ZNF135: variants seen among roughly 807,000 people sequenced by gnomAD.
The protein encoded by ZNF135 is zinc finger protein 135 (clone pHZ-17).
A neutral mutation model predicts 12.3 loss-of-function variants in ZNF135; 11 were observed. The observed-to-expected ratio is 0.89, with a 90% CI of 0.56 to 1.48. The LOEUF (loss-of-function observed/expected upper bound fraction) is 1.48, where lower values mean the gene tolerates loss of function less well. Ranked by LOEUF, ZNF135 falls within the 40% of genes most tolerant of loss-of-function variation. ZNF135 has a pLI of 0.00. For synonymous variants in ZNF135, 316 were observed against 312.0 expected (o/e 1.01, Z -0.14); for missense variants, 722 against 815.7 (o/e 0.89, Z 1.40).
chr19:58,068,588 C>T lies in ZNF135; in HGVS notation c.*127C>T, dbSNP rs1191516103. The T allele has an allele frequency of 9.9e-7, 1 of 1,007,010 alleles. No individual in the cohort carries two copies. The highest frequency in any genetic ancestry group is 1.6e-5 in the African/African-American group (1 of 61,508). The allele number at this position is 1,007,010 out of a possible 1,614,324, so 62.4% of individuals were successfully genotyped here. A position where few individuals can be genotyped will look rare whatever the true frequency, so the allele number is the denominator to read the frequency against. ...ACAAGCCTTTTCACACAGCACTCCC[C>T]TCAGACACCCTCAGAGAGTTCACAC... On this transcript the variant is annotated 3_prime_UTR_variant, in exon 5 of 5. Coordinates refer to ENST00000313434, the MANE Select transcript of ZNF135 (RefSeq NM_001289401.2).
In ZNF135 at chr19:58,059,964, C is replaced by T; in HGVS notation, c.-34-5C>T. ...CCCCAGCTGCTCACCTCCCCTTTCC[C>T]ACAGAGCAGGGCCAGCCGTTCCTGC... On this transcript the variant is annotated splice_polypyrimidine_tract_variant and splice_region_variant and intron_variant, in intron 1 of 4. Transcript: ENST00000313434. This position sits in a 1 kb window ranked among gnomAD's most constrained non-coding sequence, Gnocchi z 6.5. 6.2e-7 allele frequency: 1 copy of T among 1,612,738 alleles called. No homozygotes were observed. Among genetic ancestry groups the T allele is most frequent in the Non-Finnish European group, 8.5e-7 (1 of 1,179,726 alleles).
At position 58,060,019 on chromosome 19, in the gene ZNF135, G is replaced by A. The variant is rs765406153; in HGVS notation, c.17G>A (p.Arg6His). 7 of 1,613,514 alleles carry A rather than the reference G, an allele frequency of 4.3e-6. No homozygotes were observed. The highest frequency in any genetic ancestry group is 5.9e-6 in the Non-Finnish European group (7 of 1,179,868). The change falls in exon 2 of 5, where the codon CGC becomes CAC. Residue 6 changes from arginine (R) to histidine (H), a missense_variant. Transcript: ENST00000313434. The surrounding 1 kb of genome is among the most constrained non-coding windows in gnomAD (Gnocchi z 4.9). MTPGV[R>H]VSTDPEQVTF... is the part of the protein sequence containing the mutation. ...AGCCAGGGCATGACCCCTGGGGTGC[G>A]CGTCTCCACAGACCCGGTGAGAATC...
At position 58,060,447 on chromosome 19, in the gene ZNF135, C is replaced by G. The variant is rs1033042012; in HGVS notation, c.33+412C>G. On this transcript the variant is annotated intron_variant, in intron 2 of 4. Transcript: ENST00000313434. This position sits in a 1 kb window ranked among gnomAD's most constrained non-coding sequence, Gnocchi z 4.9. ...TGAGTGGGCTTTATGTTTGTGCGGC[C>G]GTCATTGCATACCTGAGGCTGGGTG... 9.0e-7 allele frequency: 1 copy of G among 1,107,450 alleles called. No individual in the cohort carries two copies. 68.6% of individuals were successfully genotyped at this position (1,107,450 alleles called of 1,614,324 possible).
At position 58,067,325 on chromosome 19, in the gene ZNF135, C is replaced by A. The variant is rs1214383366; in HGVS notation, c.841C>A (p.Gln281Lys). The A allele has an allele frequency of 3.1e-6, 5 of 1,614,162 alleles. No individual in the cohort carries two copies. Among genetic ancestry groups the A allele is most frequent in the Admixed American group, 3.3e-5 (2 of 60,026 alleles). ...CACTCAGTGTGGGAGGACCTTCAAC[C>A]AAATTGCCCCACTGATCCAGCACCA... Reference protein sequence around the residue: ...KCTQCGRTFNQIAPLIQHQRT... With the variant: ...KCTQCGRTFNKIAPLIQHQRT... Residue 281 changes from glutamine to lysine, a missense_variant, in exon 5 of 5, where the codon CAA becomes AAA. By Grantham distance (53) the Gln-to-Lys change is moderately conservative. Coordinates refer to ENST00000313434, the MANE Select transcript of ZNF135 (RefSeq NM_001289401.2).
chr19:58,065,579 A>T lies in ZNF135; in HGVS notation c.257-1162A>T, dbSNP rs1204349631. Among the ~76,000 whole-genome samples the T allele has an allele frequency of 6.6e-6, 1 of 152,202 alleles. No individual in the cohort carries two copies. The highest frequency in any genetic ancestry group is 1.5e-5 in the Non-Finnish European group (1 of 68,046). On this transcript the variant is annotated intron_variant, in intron 4 of 4. Transcript: ENST00000313434. This position sits in a 1 kb window ranked among gnomAD's most constrained non-coding sequence, Gnocchi z 4.0. Reference sequence around the variant, plus strand: ...GCCTTGTCCATCTTCACAGTCAGCAAGGCCTGGTCAAGTCACATCATATTC... The same window carrying T: ...GCCTTGTCCATCTTCACAGTCAGCATGGCCTGGTCAAGTCACATCATATTC...
Position 58,068,395 on chromosome 19 carries a change from G to A in ZNF135, c.1911G>A (p.Arg637=). Residue 637 remains arginine (R), a synonymous_variant, in exon 5 of 5, where the codon AGG becomes AGA. Coordinates refer to ENST00000313434, the MANE Select transcript of ZNF135 (RefSeq NM_001289401.2). The part of the protein sequence containing the change: ...IHTGEKPYAC[R]DCGKAFTHSS... ...CAGGAGAGAAGCCATATGCATGCAG[G>A]GACTGTGGAAAGGCCTTTACCCACA... The A allele has an allele frequency of 6.2e-7, 1 of 1,614,104 alleles. No individual in the cohort carries two copies. Among genetic ancestry groups the A allele is most frequent in the Non-Finnish European group, 8.5e-7 (1 of 1,180,022 alleles).
rs1393826862 is a variant in ZNF135, at chr19:58,063,221, G to A, written c.161-225G>A. Among the ~76,000 whole-genome samples, 3 of 152,184 alleles carry A rather than the reference G, an allele frequency of 2.0e-5. No homozygotes were observed. The highest frequency in any genetic ancestry group is 3.9e-4 in the East Asian group (2 of 5,194). On this transcript the variant is annotated intron_variant, in intron 3 of 4. Transcript: ENST00000313434. This position sits in a 1 kb window ranked among gnomAD's most constrained non-coding sequence, Gnocchi z 4.4. ...CAGGGGAGGAACCAGAGTTCTGATT[G>A]TCCAGGCTTGGGTCACATGTCCACC...
In ZNF135 at chr19:58,067,889, A is replaced by G; in HGVS notation, c.1405A>G (p.Ser469Gly). The part of the protein sequence containing the change: ...THTGEKPYEC[S>G]QCGKAFRQST... ...CACAGGAGAGAAGCCCTATGAGTGC[A>G]GTCAGTGTGGGAAGGCCTTCCGGCA... Residue 469 changes from serine to glycine, a missense_variant, in exon 5 of 5, where the codon AGT becomes GGT. Transcript: ENST00000313434. The G allele has an allele frequency of 6.2e-7, 1 of 1,607,992 alleles. No homozygotes were observed. Among genetic ancestry groups the G allele is most frequent in the Non-Finnish European group, 8.5e-7 (1 of 1,178,218 alleles).
In ZNF135 at chr19:58,067,505, C is replaced by T; in HGVS notation, c.1021C>T (p.Leu341Phe). ...CGKAFRQSIHLTQHLRIHTGE... is the reference protein window; with the variant it reads ...CGKAFRQSIHFTQHLRIHTGE... ...GAAAGCCTTCCGGCAAAGCATCCACCTCACCCAGCATCTGCGAATCCACAC... is the reference window on the plus strand; with the variant it reads ...GAAAGCCTTCCGGCAAAGCATCCACTTCACCCAGCATCTGCGAATCCACAC... Residue 341 changes from leucine to phenylalanine, a missense_variant, in exon 5 of 5, where the codon CTC becomes TTC. Leu to Phe is a conservative substitution (Grantham distance 22). Transcript: ENST00000313434. The T allele has an allele frequency of 6.2e-7, 1 of 1,614,050 alleles. No individual in the cohort carries two copies. The highest frequency in any genetic ancestry group is 8.5e-7 in the Non-Finnish European group (1 of 1,180,014).
Position 58,059,391 on chromosome 19 carries a change from C to T in ZNF135, c.-35+81C>T. ...GGGTGCGGGGGGTCCGGGGATCTTC[C>T]TGAGGCCCTGGCGGGGCGAGTTTCC... On this transcript the variant is annotated intron_variant, in intron 1 of 4. Coordinates refer to ENST00000313434, the MANE Select transcript of ZNF135 (RefSeq NM_001289401.2). This position sits in a 1 kb window ranked among gnomAD's most constrained non-coding sequence, Gnocchi z 6.5. 1.2e-6 allele frequency: 1 copy of T among 863,616 alleles called. No individual in the cohort carries two copies. The highest frequency in any genetic ancestry group is 1.6e-6 in the Non-Finnish European group (1 of 606,784). The allele number at this position is 863,616 out of a possible 1,614,324, so 53.5% of individuals were successfully genotyped here.
In ZNF135 at chr19:58,068,533, A is replaced by G. The variant is rs568741296; in HGVS notation, c.*72A>G. ...CTCATCCCTTTCTAGATTTGACCCAATCATACACATGAGAAACGTACATTC... is the reference window on the plus strand; with the variant it reads ...CTCATCCCTTTCTAGATTTGACCCAGTCATACACATGAGAAACGTACATTC... On this transcript the variant is annotated 3_prime_UTR_variant, in exon 5 of 5. Coordinates refer to ENST00000313434, the MANE Select transcript of ZNF135 (RefSeq NM_001289401.2). The G allele has an allele frequency of 3.5e-5, 53 of 1,528,038 alleles. No individual in the cohort carries two copies. Among genetic ancestry groups the G allele is most frequent in the Admixed American group, 2.9e-4 (15 of 52,556 alleles). The allele number at this position is 1,528,038 out of a possible 1,614,324, so 94.7% of individuals were successfully genotyped here. A position where few individuals can be genotyped will look rare whatever the true frequency, so the allele number is the denominator to read the frequency against.
Position 58,067,037 on chromosome 19 carries a change from C to T in ZNF135, c.553C>T (p.Gln185Ter). 6.2e-7 allele frequency: 1 copy of T among 1,614,212 alleles called. No homozygotes were observed. Among genetic ancestry groups the T allele is most frequent in the Non-Finnish European group, 8.5e-7 (1 of 1,180,040 alleles). Residue 185 changes from glutamine to a stop codon, truncating the protein, a stop_gained, in exon 5 of 5, where the codon CAA (glutamine) becomes TAA (stop). Coordinates refer to ENST00000313434, the MANE Select transcript of ZNF135 (RefSeq NM_001289401.2). LOFTEE classifies it low-confidence loss of function (END_TRUNC). ...LPHQPMTPER[Q>*]SPHTWGTRGK... ...ACATCAACCAATGACTCCTGAAAGA[C>T]AAAGCCCCCACACATGGGGAACACG...
At position 58,067,387 on chromosome 19, in the gene ZNF135, C is replaced by T. The variant is rs752558340; in HGVS notation, c.903C>T (p.Ser301=). 69 of 1,613,690 alleles carry T rather than the reference C, an allele frequency of 4.3e-5. 1 individual carries two copies. The Middle Eastern group carries it at 6.6e-4, about 15-fold the overall frequency. The change falls in exon 5 of 5, where the codon AGC becomes AGT. Residue 301 remains serine (S), a synonymous_variant. Coordinates refer to ENST00000313434, the MANE Select transcript of ZNF135 (RefSeq NM_001289401.2). The stretch of plus-strand genomic sequence containing the variant: ...CAGGTGAGAAGCCCTATGAATGCAG[C>T]GAATGTGGGAAATCCTTCAGTTTTA... ...THTGEKPYEC[S]ECGKSFSFRS... is the part of the protein sequence containing the mutation.
At chr19:58,062,075 G>C (rs1385065266) in intron 3 of ZNF135, among the ~76,000 whole-genome samples, 1 of 152,114 alleles carries the variant, frequency 6.6e-6, no homozygotes, top group Non-Finnish European at 1.5e-5. Flanking sequence ...CCTTAGACTG[G>C]GTAATTTTAA....
Position 58,063,564 on chromosome 19 carries a change from CAG to C in ZNF135, c.256+29_256+30del, listed in dbSNP as rs1314379124. The C allele has an allele frequency of 1.2e-6, 2 of 1,613,688 alleles. No individual in the cohort carries two copies. The highest frequency in any genetic ancestry group is 3.3e-5 in the Admixed American group (2 of 60,000). On this transcript the variant is annotated intron_variant, in intron 4 of 4. Transcript: ENST00000313434. This position sits in a 1 kb window ranked among gnomAD's most constrained non-coding sequence, Gnocchi z 4.4. ...CAGGTGAGATGGGAGCCCTTCGGGG[CAG>C]AGAGAAGCCTGTCCATGCTTGCTTC...
Position 58,059,371 on chromosome 19 carries a change from CGG to C in ZNF135, c.-35+66_-35+67del. 4.3e-6 allele frequency: 1 copy of C among 231,362 alleles called. No homozygotes were observed. The highest frequency in any genetic ancestry group is 6.8e-6 in the Non-Finnish European group (1 of 147,404). The allele number at this position is 231,362 out of a possible 1,614,324, so 14.3% of individuals were successfully genotyped here. The stretch of plus-strand genomic sequence containing the variant: ...AGGCCGGGCCGGGCCGGGCCGGGTG[CGG>C]GGGGTCCGGGGATCTTCCTGAGGCC... On this transcript the variant is annotated intron_variant, in intron 1 of 4. Coordinates refer to ENST00000313434, the MANE Select transcript of ZNF135 (RefSeq NM_001289401.2). The surrounding 1 kb of genome is among the most constrained non-coding windows in gnomAD (Gnocchi z 6.5).
rs543800709 is a variant in ZNF135, at chr19:58,060,470, G to T, written c.33+435G>T. ...GCCGTCATTGCATACCTGAGGCTGGGTGATGTCAGAAAATTGTAGGTGCCC... is the reference window on the plus strand; with the variant it reads ...GCCGTCATTGCATACCTGAGGCTGGTTGATGTCAGAAAATTGTAGGTGCCC... On this transcript the variant is annotated intron_variant, in intron 2 of 4. Coordinates refer to ENST00000313434, the MANE Select transcript of ZNF135 (RefSeq NM_001289401.2). The surrounding 1 kb of genome is among the most constrained non-coding windows in gnomAD (Gnocchi z 4.9). The T allele has an allele frequency of 1.9e-6, 2 of 1,057,862 alleles. No individual in the cohort carries two copies. Among genetic ancestry groups the T allele is most frequent in the African/African-American group, 3.4e-5 (2 of 58,932 alleles). 65.5% of individuals were successfully genotyped at this position (1,057,862 alleles called of 1,614,324 possible).
Position 58,067,594 on chromosome 19 carries a change from C to A in ZNF135, c.1110C>A (p.Thr370=), listed in dbSNP as rs1396071701. 1 of 1,614,012 alleles carries A rather than the reference C, an allele frequency of 6.2e-7. No individual in the cohort carries two copies. Among genetic ancestry groups the A allele is most frequent in the Non-Finnish European group, 8.5e-7 (1 of 1,179,966 alleles). The stretch of plus-strand genomic sequence containing the variant: ...CCTTCAGCCACAGCTCATCCTTGAC[C>A]AAACACCAGCGAATCCACACAGGGG... ...GKAFSHSSSL[T]KHQRIHTGEK... Residue 370 remains threonine, a synonymous_variant, in exon 5 of 5, where the codon ACC becomes ACA. Coordinates refer to ENST00000313434, the MANE Select transcript of ZNF135 (RefSeq NM_001289401.2).
In ZNF135 at chr19:58,060,207, C is replaced by T; in HGVS notation, c.33+172C>T. 6.8e-7 allele frequency: 1 copy of T among 1,461,686 alleles called. No homozygotes were observed. The highest frequency in any genetic ancestry group is 9.1e-7 in the Non-Finnish European group (1 of 1,099,020). The allele number at this position is 1,461,686 out of a possible 1,614,324, so 90.5% of individuals were successfully genotyped here. A position where few individuals can be genotyped will look rare whatever the true frequency, so the allele number is the denominator to read the frequency against. On this transcript the variant is annotated intron_variant, in intron 2 of 4. Coordinates refer to ENST00000313434, the MANE Select transcript of ZNF135 (RefSeq NM_001289401.2). The surrounding 1 kb of genome is among the most constrained non-coding windows in gnomAD (Gnocchi z 4.9). Reference sequence around the variant, plus strand: ...GGCCCCTACTCGTGCCCGGCCTCTACTCGCACAACTGGCCTCTACTCGCGC... The same window carrying T: ...GGCCCCTACTCGTGCCCGGCCTCTATTCGCACAACTGGCCTCTACTCGCGC...
Sources: gnomAD v4.1 joint callset for allele counts (sites outside exome capture counted in the v4.1 genomes callset) on GRCh38, gnomAD v4.1.1 for gene constraint, Gnocchi (gnomAD v3.1) non-coding constraint, MANE v1.5 for transcripts, NCBI Gene and HGNC (gene_info 2026-07-23, HGNC 2026-07-21) for gene names.